Variants in G6PD observed in about 807,000 individuals in gnomAD.
The protein encoded by G6PD is glucose-6-phosphate dehydrogenase.
In G6PD, 2 loss-of-function variants were observed where a neutral mutation model predicts 38.2. The ratio of observed to expected loss-of-function variants is 0.05; its 90% CI spans 0.02 to 0.16. G6PD has a LOEUF of 0.16. Ranked by LOEUF, G6PD falls within the 10% of genes least tolerant of loss-of-function variation. The pLI is 1.00. For synonymous variants in G6PD, 188 were observed against 196.0 expected (o/e 0.96, Z 0.34); for missense variants, 310 against 471.6 (o/e 0.66, Z 3.17).
chrX:154,542,890 C>T (rs894404642), intron 2 of G6PD, among the ~76,000 whole-genome samples: 3 of 112,057 alleles, frequency 2.7e-5, no homozygotes, highest in East Asian at 2.8e-4. Flanking sequence ...GTTCCCTGGC[C>T]GCAATAGCAC....
chrX:154,547,247 C>T (rs1259155017), upstream of G6PD: 2 of 649,675 alleles, frequency 3.1e-6, no homozygotes, highest in East Asian at 3.3e-4. Flanking sequence ...CTCCTCTGGG[C>T]TGTCCCTCGG....
chrX:154,535,108 G>T (rs2070391903), intron 5 of G6PD, 60 bp downstream of exon 5: 13 of 1,074,767 alleles, frequency 1.2e-5, no homozygotes, highest in Non-Finnish European at 1.7e-5. Context: ...TCATAGAGTG[G>T]TGGGAGCACT....
intron 2 of G6PD, 37 bp downstream of exon 2, chrX:154,545,999 T>C: frequency 8.3e-7 from 1 of 1,207,182 alleles, no homozygotes; most frequent in Non-Finnish European, 1.1e-6. Context: ...AGCAGGCACT[T>C]CCTGGCTTTT....
intron 7 of G6PD, 125 bp from the exon 8 acceptor site, chrX:154,533,794 G>C: frequency 8.5e-7 from 1 of 1,178,589 alleles, no homozygotes; most frequent in Middle Eastern, 2.3e-4. Context: ...GATCCCCCTT[G>C]TCTTCCAGGT....
chrX:154,545,262 C>A (rs782672103), intron 2 of G6PD, among the ~76,000 whole-genome samples: 3 of 111,348 alleles, frequency 2.7e-5, no homozygotes, highest in Non-Finnish European at 5.7e-5. Flanking sequence ...TGGGGTGAGG[C>A]AGAGCTCCTT....
At chrX:154,535,770 C>T (rs782082692) in intron 4 of G6PD, 167 bp downstream of exon 4, 31 of 501,639 alleles carry the variant, frequency 6.2e-5, no homozygotes, top group African/African-American at 5.4e-4. Context: ...GTCCTGGTCA[C>T]GGGGGCTGGT....
At chrX:154,544,947 G>A (rs1448772004) in intron 2 of G6PD, among the ~76,000 whole-genome samples, 1 of 112,431 alleles carries the variant, frequency 8.9e-6, no homozygotes, top group Non-Finnish European at 1.9e-5. Flanking sequence ...CCTGCTCAAG[G>A]TTACAAGGTA....
In G6PD at chrX:154,534,100, G is replaced by A. The variant is rs2070375730; in HGVS notation, c.705C>T (p.Leu235=). ...CAGTGCCAAAGGGCTCCTTGAAGGT[G>A]AGGATAACGCAGGCGATGTTGTCCC... is the stretch of plus-strand genomic sequence containing the variant. The part of the protein sequence containing the change: ...WNRDNIACVI[L]TFKEPFGTEG... Residue 235 remains leucine, a synonymous_variant, in exon 7 of 13, where the codon CTC becomes CTT. Transcript: ENST00000393562. 8.3e-7 allele frequency: 1 copy of A among 1,210,369 alleles called. No homozygotes were observed. Among genetic ancestry groups the A allele is most frequent in the African/African-American group, 1.7e-5 (1 of 57,280 alleles).
At chrX:154,536,855 G>C (rs1327008953) in intron 2 of G6PD, among the ~76,000 whole-genome samples, 4 of 111,390 alleles carry the variant, frequency 3.6e-5, no homozygotes, top group Non-Finnish European at 7.6e-5. Flanking sequence ...GAAAAAGATA[G>C]AACTGCAAGC....
intron 2 of G6PD, chrX:154,542,233 T>C (rs782602076): frequency 2.9e-5 from 28 of 976,790 alleles, no homozygotes; most frequent in South Asian, 2.0e-4. Context: ...AGGCCCATCA[T>C]TGGGATGCGT....
chrX:154,540,384 G>T (rs1557231575), intron 2 of G6PD, among the ~76,000 whole-genome samples: 3 of 110,606 alleles, frequency 2.7e-5, no homozygotes, highest in Admixed American at 1.9e-4. Flanking sequence ...CAGGGGAATT[G>T]CTTGAACCTC....
intron 2 of G6PD, chrX:154,545,608 G>A (rs781842888): frequency 3.0e-4 from 50 of 166,948 alleles, no homozygotes; most frequent in African/African-American, 1.5e-3. Flanking sequence ...GCCGAGGCGG[G>A]CGGATCACTT....
In G6PD at chrX:154,546,122, C is replaced by A. The variant is rs797043472; in HGVS notation, c.34G>T (p.Val12Leu). 8.3e-7 allele frequency: 1 copy of A among 1,210,645 alleles called. No homozygotes were observed. The highest frequency in any genetic ancestry group is 1.1e-6 in the Non-Finnish European group (1 of 895,355). The change falls in exon 2 of 13, where the codon GTG becomes TTG. Residue 12 changes from valine (V) to leucine (L), a missense_variant. Around this residue, in one of 4 missense-constraint regions of G6PD, gnomAD observed 29 missense variants for 28.2 expected, o/e 1.03. Coordinates refer to ENST00000393562, the MANE Select transcript of G6PD (RefSeq NM_001360016.2). ...AGCTCTTCCCGCAGGATCCCGCACA[C>A]CTGGGTCCGGCTCAGGGCCACCTGC... ...AEQVALSRTQ[V>L]CGILREELFQ...
upstream of G6PD, chrX:154,546,885 C>A: frequency 9.9e-7 from 1 of 1,011,504 alleles, no homozygotes; most frequent in Non-Finnish European, 1.3e-6. Context: ...TCGGCGGGGG[C>A]GGGGGCGGGC....
chrX:154,547,304 C>G (rs1170017992), upstream of G6PD: 1 of 750,589 alleles, frequency 1.3e-6, no homozygotes, highest in African/African-American at 2.3e-5. Flanking sequence ...GGAACCCTCG[C>G]CTGTTCGCGG....
At position 154,546,845 on chromosome X, in the gene G6PD, C is replaced by T; in HGVS notation, c.-65G>A. On this transcript the variant is annotated 5_prime_UTR_variant, in exon 1 of 13. Coordinates refer to ENST00000393562, the MANE Select transcript of G6PD (RefSeq NM_001360016.2). ...GCAGCCCCGAAGTGTACGACCGTTT[C>T]CGGGGGCTGAGCCCCGCCGGCCCAT... is the stretch of plus-strand genomic sequence containing the variant. The T allele has an allele frequency of 1.8e-6, 2 of 1,136,116 alleles. No homozygotes were observed. Among genetic ancestry groups the T allele is most frequent in the Non-Finnish European group, 2.3e-6 (2 of 859,487 alleles). 93.6% of individuals were successfully genotyped at this position (1,136,116 alleles called of 1,213,427 possible).
intron 2 of G6PD, 98 bp downstream of exon 2, chrX:154,545,938 A>C: frequency 4.6e-6 from 5 of 1,080,515 alleles, no homozygotes; most frequent in Non-Finnish European, 6.4e-6. Context: ...AGCTCAACTT[A>C]GCAGAGCCTG....
upstream of G6PD, chrX:154,547,421 G>A (rs2070774811): frequency 1.3e-6 from 1 of 755,197 alleles, no homozygotes; most frequent in Non-Finnish European, 1.6e-6. Context: ...ACGAGGGGGC[G>A]TGTAGGCGGT....
intron 2 of G6PD, chrX:154,545,749 C>T: frequency 3.4e-6 from 1 of 290,115 alleles, no homozygotes; most frequent in Non-Finnish European, 6.2e-6. Flanking sequence ...GCAGGAGAAT[C>T]GCTTGAACCC....
Sources: gnomAD v4.1 joint callset for allele counts (sites outside exome capture counted in the v4.1 genomes callset) on GRCh38, gnomAD v4.1.1 for gene constraint, gnomAD v4.1.1 regional missense constraint, MANE v1.5 for transcripts, NCBI Gene and HGNC (gene_info 2026-07-23, HGNC 2026-07-21) for gene names.